The following WNK3 variants were observed in gnomAD, a reference collection of about 807,000 sequenced individuals.
WNK3 encodes serine/threonine-protein kinase WNK3.
WNK3 carries 18 observed loss-of-function variants against 116.7 expected under a neutral mutation model. The ratio of observed to expected loss-of-function variants is 0.15; its 90% confidence interval spans 0.11 to 0.23. The LOEUF (loss-of-function observed/expected upper bound fraction) is 0.23, where lower values mean the gene tolerates loss of function less well. WNK3 is among the 10% of genes least tolerant of loss of function. The pLI is 1.00. For synonymous variants in WNK3, 404 were observed against 469.4 expected, an observed-to-expected ratio of 0.86 and a Z score of 1.80; for missense variants, 993 against 1,323.8, an observed-to-expected ratio of 0.75 and a Z score of 3.88.
In WNK3 at chrX:54,239,108, GACAAA is replaced by G. The variant is rs56183922; in HGVS notation, c.3652-14_3652-10del. On this transcript the variant is annotated splice_polypyrimidine_tract_variant and intron_variant, in intron 17 of 23. Coordinates refer to ENST00000354646, the Ensembl canonical transcript of WNK3. Reference sequence around the variant, plus strand: ...GCATCTGAGGACATCTCCTAATGGAGACAAAACAAAACAAAACAAAACAAAACAAA... The same window carrying G: ...GCATCTGAGGACATCTCCTAATGGAGACAAAACAAAACAAAACAAAACAAA... 0.081 allele frequency: 69,536 copies of G among 860,419 alleles called. 4,763 individuals carry two copies. The highest frequency in any genetic ancestry group is 0.32 in the African/African-American group (12,929 of 40,895). The allele number at this position is 860,419 out of a possible 1,213,427, so 70.9% of individuals were successfully genotyped here.
At chrX:54,209,286 G>C (rs1557143278) in intron 22 of WNK3, among the ~76,000 whole-genome samples, 1 of 108,517 alleles carries the variant, frequency 9.2e-6, no homozygotes, top group African/African-American at 3.3e-5. Context: ...AGCCAGGCGT[G>C]TTGGTGCGCA....
At chrX:54,356,414 G>T (rs2069594196) in intron 1 of WNK3, among the ~76,000 whole-genome samples, 1 of 111,480 alleles carries the variant, frequency 9.0e-6, no homozygotes, top group Non-Finnish European at 1.9e-5. Context: ...AGGTTCAAGA[G>T]ATTCTTCTGC....
chrX:54,241,876 C>T (rs782498864), intron 17 of WNK3, among the ~76,000 whole-genome samples: 27 of 108,674 alleles, frequency 2.5e-4, no homozygotes, highest in Non-Finnish European at 4.6e-4. Context: ...ATTGCTTGGA[C>T]CTGGGAAGTG....
chrX:54,288,045 T>C (rs1417473738), intron 10 of WNK3, among the ~76,000 whole-genome samples: 1 of 111,723 alleles, frequency 9.0e-6, no homozygotes, highest in East Asian at 2.8e-4. Context: ...GGTCTGCTGT[T>C]GTAATTGTGG....
At chrX:54,285,834 A>C (rs2068574501) in intron 10 of WNK3, among the ~76,000 whole-genome samples, 2 of 112,255 alleles carry the variant, frequency 1.8e-5, no homozygotes, top group African/African-American at 6.5e-5. Flanking sequence ...ATTTAAACTA[A>C]AAAACATAAA....
chrX:54,302,758 T>TATATATATATA (rs1491572190), intron 5 of WNK3, among the ~76,000 whole-genome samples: 30 of 27,039 alleles, frequency 1.1e-3, no homozygotes, highest in Non-Finnish European at 1.6e-3. Context: ...TATATATATA[T>TATATATATATA]TTTTTTTTTT....
chrX:54,323,393 C>T (rs1265775473), intron 2 of WNK3, among the ~76,000 whole-genome samples: 2 of 111,117 alleles, frequency 1.8e-5, no homozygotes, highest in Non-Finnish European at 3.8e-5. Flanking sequence ...AGCATGGTGG[C>T]TCACACCTGT....
rs1168500172 is a variant in WNK3 at position 54,290,177 on chromosome X, G to T, written c.2037+2711C>A. Among the ~76,000 whole-genome samples the T allele has an allele frequency of 3.6e-5, 4 of 110,745 alleles. No homozygotes were observed. In the East Asian group the frequency reaches 1.1e-3, roughly 32 times the overall value. ...TATAGTCCCAGCTACTTGGGAGGCT[G>T]AGGTGGGAGAATCGCTTGAACCCAG... On this transcript the variant is annotated intron_variant, in intron 10 of 23. Coordinates refer to ENST00000354646, the Ensembl canonical transcript of WNK3.
intron 1 of WNK3, among the ~76,000 whole-genome samples, chrX:54,339,546 T>C (rs1212700417): frequency 2.7e-5 from 3 of 111,654 alleles, no homozygotes; most frequent in Non-Finnish European, 5.6e-5. Flanking sequence ...GACAGACATA[T>C]AGGTCAATAG....
intron 10 of WNK3, among the ~76,000 whole-genome samples, chrX:54,278,258 T>C (rs782441478): frequency 9.0e-6 from 1 of 110,824 alleles, no homozygotes; most frequent in South Asian, 3.8e-4. Context: ...AGACATATCA[T>C]GTTCCTGAAC....
chrX:54,261,682 A>G (rs2068258493), intron 10 of WNK3, among the ~76,000 whole-genome samples: 2 of 112,016 alleles, frequency 1.8e-5, no homozygotes, highest in Non-Finnish European at 3.8e-5. Flanking sequence ...GTACTCTTTT[A>G]TAATCTTCTT....
intron 1 of WNK3, among the ~76,000 whole-genome samples, chrX:54,352,861 C>T (rs896274825): frequency 2.7e-5 from 3 of 111,664 alleles, no homozygotes; most frequent in African/African-American, 6.5e-5. Context: ...AAACAAAATA[C>T]GGTATATCCA....
chrX:54,204,394 A>G (rs2067531752), intron 22 of WNK3, among the ~76,000 whole-genome samples: 2 of 111,969 alleles, frequency 1.8e-5, no homozygotes, highest in African/African-American at 6.5e-5. Flanking sequence ...CTGAGATTAC[A>G]GGTGTGAGCC....
At chrX:54,245,488 A>C (rs938182068) in intron 17 of WNK3, among the ~76,000 whole-genome samples, 8 of 110,126 alleles carry the variant, frequency 7.3e-5, no homozygotes, top group Non-Finnish European at 1.3e-4. Context: ...CCCTGTCTCA[A>C]AAACACACAC....
intron 22 of WNK3, among the ~76,000 whole-genome samples, chrX:54,226,577 C>G (rs1557147911): frequency 9.2e-6 from 1 of 108,505 alleles, no homozygotes; most frequent in Non-Finnish European, 1.9e-5. Flanking sequence ...CACGGTGGCT[C>G]ATGCCTGTAA....
At chrX:54,345,785 CAA>C (rs372848363) in intron 1 of WNK3, among the ~76,000 whole-genome samples, 6 of 40,442 alleles carry the variant, frequency 1.5e-4, no homozygotes, top group Admixed American at 3.3e-4. Flanking sequence ...GACTCAGTAT[CAA>C]AAAAAAAAAA....
chrX:54,236,285 TTTTTTTTTTTTTTTTTAAATACAGACA>T (rs2067960920), intron 20 of WNK3, among the ~76,000 whole-genome samples: 1 of 93,941 alleles, frequency 1.1e-5, no homozygotes, highest in Non-Finnish European at 2.1e-5. Context: ...AAGTTTTGTA[TTTTTTTTTTTTTTTTTAAATACAGACA>T]AAGTTTCACC....
At chrX:54,241,987 TA>T (rs2068027490) in intron 17 of WNK3, among the ~76,000 whole-genome samples, 1 of 102,798 alleles carries the variant, frequency 9.7e-6, no homozygotes, top group Non-Finnish European at 2.0e-5. Context: ...ATAAGAAAAA[TA>T]AAAATGGGAA....
intron 22 of WNK3, among the ~76,000 whole-genome samples, chrX:54,209,545 CTTTTTT>C (rs781825501): frequency 4.7e-4 from 37 of 78,422 alleles, no homozygotes; most frequent in Admixed American, 3.2e-4. Context: ...TTAAGCAGTG[CTTTTTT>C]TTTTTTTTTT....
Sources: gnomAD v4.1 joint callset for allele counts (sites outside exome capture counted in the v4.1 genomes callset) on GRCh38, gnomAD v4.1.1 for gene constraint, MANE v1.5 for transcripts, NCBI Gene and HGNC (gene_info 2026-07-23, HGNC 2026-07-21) for gene names.